LPCAT2: variants seen among roughly 807,000 people sequenced by gnomAD.
LPCAT2 encodes 1-AGP acyltransferase 11.
A neutral mutation model predicts 64.7 loss-of-function variants in LPCAT2; 58 were observed. The observed-to-expected ratio is 0.90, with a 90% CI of 0.73 to 1.12. LPCAT2 has a LOEUF of 1.12. Among genes scored for constraint, LPCAT2 ranks in the 50% most tolerant of loss-of-function variants. The pLI is 0.00. For missense variants in LPCAT2, 579 were observed against 669.8 expected, an observed-to-expected ratio of 0.86 and a Z score of 1.50; for synonymous variants, 252 against 245.3, an observed-to-expected ratio of 1.03 and a Z score of -0.26.
intron 11 of LPCAT2, among the ~76,000 whole-genome samples, chr16:55,570,548 C>G (rs149366385): frequency 6.6e-6 from 1 of 152,060 alleles, no homozygotes; most frequent in African/African-American, 2.4e-5. Context: ...GGCGGAGGAT[C>G]GCTTGAGCCC....
At chr16:55,577,814 T>C (rs1963844723) in intron 12 of LPCAT2, among the ~76,000 whole-genome samples, 1 of 152,154 alleles carries the variant, frequency 6.6e-6, no homozygotes, top group Non-Finnish European at 1.5e-5. Context: ...ATTATCTCTT[T>C]CCCTTTGTTT....
chr16:55,539,644 C>T (rs1172316494), intron 8 of LPCAT2: 1 of 152,110 alleles, frequency 6.6e-6, no homozygotes, highest in East Asian at 1.9e-4. Flanking sequence ...GTATACCACA[C>T]CCTGGCTTGA....
At position 55,567,396 on chromosome 16, in the gene LPCAT2, G is replaced by A. The variant is rs765130628; in HGVS notation, c.1216-7235G>A. ...TTTTAACAATTTCATCAGCTGCTTGGTCCGCCTGGATGCCATGTTTCGTGC... is the reference window on the plus strand; with the variant it reads ...TTTTAACAATTTCATCAGCTGCTTGATCCGCCTGGATGCCATGTTTCGTGC... On this transcript the variant is annotated intron_variant, in intron 11 of 13. Transcript: ENST00000262134. The A allele has an allele frequency of 1.7e-5, 27 of 1,613,682 alleles. No individual in the cohort carries two copies. The South Asian group carries it at 2.9e-4, about 17-fold the overall frequency.
At chr16:55,512,046 T>C (rs1962940123) in intron 1 of LPCAT2, among the ~76,000 whole-genome samples, 1 of 152,148 alleles carries the variant, frequency 6.6e-6, no homozygotes, top group African/African-American at 2.4e-5. Flanking sequence ...CAAATAAATA[T>C]AACATTAGCT....
intron 7 of LPCAT2, 64 bp from the exon 8 acceptor site, chr16:55,537,514 T>G: frequency 2.3e-6 from 3 of 1,286,620 alleles, no homozygotes; most frequent in Non-Finnish European, 2.2e-6. Context: ...GAAATGATTG[T>G]TGAATAATAT....
Position 55,509,279 on chromosome 16 carries a change from C to T in LPCAT2, c.98C>T (p.Ala33Val). 1 of 1,512,266 alleles carries T rather than the reference C, an allele frequency of 6.6e-7. No homozygotes were observed. Among genetic ancestry groups the T allele is most frequent in the South Asian group, 1.2e-5 (1 of 80,600 alleles). The allele number at this position is 1,512,266 out of a possible 1,614,324, so 93.7% of individuals were successfully genotyped here. ...GLRPPMVPRQ[A>V]SFFPPPVPNP... ...CGGCCGCCCATGGTGCCCCGTCAGGCGTCCTTCTTCCCGCCGCCGGTGCCG... is the reference window on the plus strand; with the variant it reads ...CGGCCGCCCATGGTGCCCCGTCAGGTGTCCTTCTTCCCGCCGCCGGTGCCG... Residue 33 changes from alanine (A) to valine (V), a missense_variant, in exon 1 of 14, where the codon GCG becomes GTG. Ala to Val is a moderately conservative substitution (Grantham distance 64). Coordinates refer to ENST00000262134, the MANE Select transcript of LPCAT2 (RefSeq NM_017839.5).
chr16:55,558,263 T>G (rs1963599102), intron 11 of LPCAT2, among the ~76,000 whole-genome samples: 1 of 152,196 alleles, frequency 6.6e-6, no homozygotes, highest in Admixed American at 6.5e-5. Flanking sequence ...ATTAGGAAAT[T>G]TTTACACTGG....
intron 1 of LPCAT2, among the ~76,000 whole-genome samples, chr16:55,519,274 G>C (rs76973446): frequency 6.6e-6 from 1 of 152,010 alleles, no homozygotes; most frequent in South Asian, 2.1e-4. Flanking sequence ...GCCGAGGTGG[G>C]CGGATCACGG....
intron 1 of LPCAT2, among the ~76,000 whole-genome samples, 189 bp from the exon 2 acceptor site, chr16:55,525,318 GC>G (rs1297145959): frequency 6.6e-6 from 1 of 152,034 alleles, no homozygotes; most frequent in Non-Finnish European, 1.5e-5. Flanking sequence ...TACACAGTAG[GC>G]TTTGTGAAGT....
intron 11 of LPCAT2, among the ~76,000 whole-genome samples, chr16:55,564,279 G>C (rs1046985301): frequency 7.9e-5 from 12 of 151,870 alleles, no homozygotes; most frequent in African/African-American, 2.2e-4. Flanking sequence ...TTCCCACAGT[G>C]ATCTACAGAT....
At chr16:55,577,997 C>T (rs1423497083) in intron 12 of LPCAT2, among the ~76,000 whole-genome samples, 4 of 152,124 alleles carry the variant, frequency 2.6e-5, no homozygotes, top group African/African-American at 9.7e-5. Context: ...CTAGGCCTTC[C>T]TATGGCATTT....
At chr16:55,555,043 A>G (rs1437385688) in intron 11 of LPCAT2, among the ~76,000 whole-genome samples, 1 of 152,216 alleles carries the variant, frequency 6.6e-6, no homozygotes, top group African/African-American at 2.4e-5. Flanking sequence ...ACCATAGCAG[A>G]TATAATAATA....
chr16:55,567,144 G>A (rs1963710756), intron 11 of LPCAT2: 3 of 1,613,888 alleles, frequency 1.9e-6, no homozygotes, highest in Non-Finnish European at 2.5e-6. Context: ...CATTGTGTCT[G>A]TCATGGACAG....
At chr16:55,554,124 G>C (rs1963548861) in intron 11 of LPCAT2, among the ~76,000 whole-genome samples, 1 of 151,996 alleles carries the variant, frequency 6.6e-6, no homozygotes, top group Non-Finnish European at 1.5e-5. Flanking sequence ...TAATGTTTAA[G>C]GGCCCTTGGA....
chr16:55,541,650 C>T, intron 8 of LPCAT2: 1 of 253,714 alleles, frequency 3.9e-6, no homozygotes, highest in East Asian at 1.0e-4. Context: ...AGTTTTTGTT[C>T]TAATCCTGTT....
chr16:55,557,403 C>A (rs1963589504), intron 11 of LPCAT2, among the ~76,000 whole-genome samples: 1 of 152,114 alleles, frequency 6.6e-6, no homozygotes, highest in African/African-American at 2.4e-5. Context: ...TATACACATA[C>A]CCACTTTCCA....
At chr16:55,556,233 T>C (rs1963572772) in intron 11 of LPCAT2, among the ~76,000 whole-genome samples, 1 of 152,176 alleles carries the variant, frequency 6.6e-6, no homozygotes, top group Non-Finnish European at 1.5e-5. Context: ...TTAGAAACCA[T>C]GCAAGTAATT....
At chr16:55,574,552 C>T (rs1420387487) in intron 11 of LPCAT2, 79 bp from the exon 12 acceptor site, 51 of 976,746 alleles carry the variant, frequency 5.2e-5, no homozygotes, top group Admixed American at 4.5e-4. Flanking sequence ...ATAAGACATA[C>T]CTGAATTTTA....
chr16:55,578,461 A>G (rs1450062791), intron 12 of LPCAT2, among the ~76,000 whole-genome samples: 1 of 152,138 alleles, frequency 6.6e-6, no homozygotes, highest in East Asian at 1.9e-4. Flanking sequence ...TTCCATCACT[A>G]CAGACCCCTT....
Sources: gnomAD v4.1 joint callset for allele counts (sites outside exome capture counted in the v4.1 genomes callset) on GRCh38, gnomAD v4.1.1 for gene constraint, MANE v1.5 for transcripts, NCBI Gene and HGNC (gene_info 2026-07-23, HGNC 2026-07-21) for gene names.